Variants in COG3 observed in about 807,000 individuals in gnomAD.
COG3 encodes conserved oligomeric Golgi complex subunit 3.
COG3 carries 32 observed loss-of-function variants against 114.1 expected under a neutral mutation model. The observed-to-expected ratio is 0.28, with a 90% CI of 0.21 to 0.38. The LOEUF (loss-of-function observed/expected upper bound fraction) is 0.38. COG3 is among the 10% of genes least tolerant of loss of function. The pLI is 1.00. For synonymous variants in COG3, 352 were observed against 365.7 expected (o/e 0.96, Z 0.43); for missense variants, 813 against 973.2 (o/e 0.84, Z 2.19).
intron 1 of COG3, among the ~76,000 whole-genome samples, chr13:45,470,071 A>G (rs1271956025): frequency 3.9e-5 from 6 of 152,202 alleles, no homozygotes; most frequent in African/African-American, 1.4e-4. Flanking sequence ...GCACCCCTTT[A>G]TAGTTTAATG....
Position 45,496,318 on chromosome 13 carries a change from A to T in COG3, c.1488+6A>T. 6.4e-7 allele frequency: 1 copy of T among 1,568,738 alleles called. No individual in the cohort carries two copies. The highest frequency in any genetic ancestry group is 8.7e-7 in the Non-Finnish European group (1 of 1,155,654). The stretch of plus-strand genomic sequence containing the variant: ...ATAAGTTAGTCATGATGGAGGTAGG[A>T]TCTCCTTACTTGATCTCCCGTCTGC... On this transcript the variant is annotated splice_donor_region_variant and intron_variant, in intron 13 of 22. Coordinates refer to ENST00000349995, the MANE Select transcript of COG3 (RefSeq NM_031431.4).
chr13:45,487,141 ACC>A (rs879732681), intron 8 of COG3, among the ~76,000 whole-genome samples: 17 of 152,188 alleles, frequency 1.1e-4, no homozygotes, highest in Admixed American at 2.6e-4. Flanking sequence ...TGATAAAAGC[ACC>A]AAGAACATTT....
chr13:45,523,825 T>C (rs1427744949), intron 19 of COG3, among the ~76,000 whole-genome samples: 2 of 152,196 alleles, frequency 1.3e-5, no homozygotes, highest in Non-Finnish European at 2.9e-5. Flanking sequence ...GTATACACAT[T>C]AGTATATTTA....
intron 1 of COG3, among the ~76,000 whole-genome samples, chr13:45,469,696 AT>A (rs979003990): frequency 2.0e-5 from 3 of 151,672 alleles, no homozygotes; most frequent in Non-Finnish European, 2.9e-5. Flanking sequence ...AGCAGTAAAT[AT>A]TTTTTTTTAA....
intron 15 of COG3, 79 bp downstream of exon 15, chr13:45,509,895 GTA>G (rs1457117760): frequency 7.5e-7 from 1 of 1,333,378 alleles, no homozygotes; most frequent in Non-Finnish European, 1.0e-6. Context: ...TCTTGATAAA[GTA>G]TTTTGTTGGA....
chr13:45,509,848 C>T, intron 15 of COG3, 32 bp downstream of exon 15: 1 of 1,525,270 alleles, frequency 6.6e-7, no homozygotes, highest in Non-Finnish European at 8.9e-7. Context: ...ATTGCTCGTT[C>T]TTTCACTTGA....
chr13:45,486,181 A>G (rs1051651316), intron 7 of COG3, among the ~76,000 whole-genome samples: 3 of 141,778 alleles, frequency 2.1e-5, no homozygotes, highest in Non-Finnish European at 4.5e-5. Context: ...CGTGCCTGCA[A>G]TCGCAGGCAT....
At chr13:45,483,794 C>G (rs1886401508) in intron 7 of COG3, among the ~76,000 whole-genome samples, 2 of 151,562 alleles carry the variant, frequency 1.3e-5, no homozygotes, top group Admixed American at 1.3e-4. Context: ...TCTTCTTTAC[C>G]CTTTTTTTGT....
chr13:45,526,091 T>TTTG (rs1272581010), intron 20 of COG3, among the ~76,000 whole-genome samples: 2 of 112,886 alleles, frequency 1.8e-5, no homozygotes, highest in East Asian at 5.3e-4. Context: ...TTTTTTTTTT[T>TTTG]TTTTTTTTTT....
chr13:45,468,387 TA>T (rs1365524208), intron 1 of COG3, among the ~76,000 whole-genome samples: 1 of 152,156 alleles, frequency 6.6e-6, no homozygotes, highest in Non-Finnish European at 1.5e-5. Flanking sequence ...ATTAACATCT[TA>T]AAAGAATAGA....
chr13:45,511,608 G>T (rs933285655), intron 15 of COG3, among the ~76,000 whole-genome samples, 157 bp from the exon 16 acceptor site: 4 of 152,218 alleles, frequency 2.6e-5, no homozygotes, highest in Non-Finnish European at 4.4e-5. Context: ...TAGAAAGGTT[G>T]CATGGGAATA....
At chr13:45,478,924 T>C (rs1886079846) in intron 2 of COG3, 81 bp from the exon 3 acceptor site, 1 of 954,624 alleles carries the variant, frequency 1.0e-6, no homozygotes. Context: ...GTCTGTCCTT[T>C]TGACTTGCTG....
intron 12 of COG3, 79 bp downstream of exon 12, chr13:45,493,565 C>A: frequency 7.8e-7 from 1 of 1,282,536 alleles, no homozygotes; most frequent in Non-Finnish European, 1.1e-6. Flanking sequence ...CTTCTTCCCT[C>A]ACCCCACTAA....
At chr13:45,484,608 A>C (rs9567550) in intron 7 of COG3, among the ~76,000 whole-genome samples, 2 of 47,030 alleles carry the variant, frequency 4.3e-5, no homozygotes, top group African/African-American at 1.4e-4. Flanking sequence ...TTATTTATTT[A>C]TTTATTTTTT....
chr13:45,512,763 A>T (rs1871009727), intron 16 of COG3, among the ~76,000 whole-genome samples: 1 of 151,690 alleles, frequency 6.6e-6, no homozygotes, highest in African/African-American at 2.4e-5. Context: ...GAGCAACAGG[A>T]CTACAGGTAC....
chr13:45,479,264 G>A (rs868297775), intron 3 of COG3, among the ~76,000 whole-genome samples, 198 bp downstream of exon 3: 6 of 152,192 alleles, frequency 3.9e-5, no homozygotes, highest in African/African-American at 9.7e-5. Context: ...AAAACAAAAA[G>A]AATTACATTA....
intron 10 of COG3, 38 bp downstream of exon 10, chr13:45,491,576 C>T (rs756801772): frequency 4.6e-5 from 73 of 1,593,340 alleles, no homozygotes; most frequent in Non-Finnish European, 6.2e-5. Context: ...GTTAAATCTT[C>T]CTCTTGAGTT....
intron 20 of COG3, among the ~76,000 whole-genome samples, chr13:45,526,076 A>ATTTTTTTTTTTTTTTTTTTTTTTTTTTT (rs386379016): frequency 3.5e-5 from 2 of 56,572 alleles, no homozygotes; most frequent in African/African-American, 7.1e-5. Context: ...CAAAATTTTA[A>ATTTTTTTTTTTTTTTTTTTTTTTTTTTT]TTTTTTTTTT....
At chr13:45,481,422 G>A (rs569419705) in intron 5 of COG3, 118 bp downstream of exon 5, 2 of 625,750 alleles carry the variant, frequency 3.2e-6, no homozygotes, top group East Asian at 2.9e-5. Context: ...TAGCTTGCTT[G>A]CTGATAGATA....
Sources: allele counts gnomAD v4.1 joint callset (sites outside exome capture counted in the v4.1 genomes callset), GRCh38; gene constraint gnomAD v4.1.1; transcripts MANE v1.5; gene names NCBI Gene and HGNC (gene_info 2026-07-23, HGNC 2026-07-21).